Variants in PCDHA3 observed in about 807,000 individuals in gnomAD.
PCDHA3 encodes the protein protocadherin alpha-3.
Under a neutral mutation model 62.2 loss-of-function variants are expected in PCDHA3, and 41 were observed. The observed-to-expected ratio is 0.66, with a 90% confidence interval of 0.51 to 0.86. PCDHA3 has a LOEUF of 0.86. PCDHA3 is among the 40% of genes least tolerant of loss of function. The probability of loss-of-function intolerance (pLI) is 0.00; values close to 1 mark genes in which losing one functional copy is unlikely to be tolerated. For synonymous variants in PCDHA3, 640 were observed against 555.4 expected, an observed-to-expected ratio of 1.15 and a Z score of -2.14; for missense variants, 1,304 against 1,241.2, an observed-to-expected ratio of 1.05 and a Z score of -0.76.
At chr5:140,841,353 C>A (rs1777171223) in intron 1 of PCDHA3, 2 of 1,612,606 alleles carry the variant, frequency 1.2e-6, no homozygotes, top group African/African-American at 2.7e-5. Context: ...GAGCTGGGAT[C>A]CTGGCGACTA....
At chr5:140,843,273 T>A in intron 1 of PCDHA3, 1 of 1,595,994 alleles carries the variant, frequency 6.3e-7, no homozygotes, top group Non-Finnish European at 8.6e-7. Flanking sequence ...CTGGTCCTGG[T>A]GAAGGATCAT....
chr5:140,982,765 C>T (rs1345701735), intron 3 of PCDHA3, among the ~76,000 whole-genome samples: 2 of 151,722 alleles, frequency 1.3e-5, no homozygotes, highest in African/African-American at 2.4e-5. Flanking sequence ...AAAAGGATAA[C>T]AAGGAAAGTG....
At chr5:140,830,534 A>G (rs2150187511) in intron 1 of PCDHA3, 2 of 1,251,108 alleles carry the variant, frequency 1.6e-6, no homozygotes, top group South Asian at 4.1e-5. Context: ...TAAATTTATA[A>G]TTGTTTTCCT....
intron 1 of PCDHA3, among the ~76,000 whole-genome samples, chr5:140,964,381 T>C (rs1008874330): frequency 1.3e-5 from 2 of 152,176 alleles, no homozygotes. Flanking sequence ...AGGAGAGTCC[T>C]GGTTTTTCTC....
At chr5:140,880,630 C>T (rs2058401400) in intron 1 of PCDHA3, among the ~76,000 whole-genome samples, 2 of 152,122 alleles carry the variant, frequency 1.3e-5, no homozygotes, top group Admixed American at 1.3e-4. Context: ...AGTTAATTAT[C>T]AATTCACTTG....
At chr5:140,941,241 T>TTCTTTCTTTCTTTCTTTCTTTC in intron 1 of PCDHA3, among the ~76,000 whole-genome samples, 2 of 140,458 alleles carry the variant, frequency 1.4e-5, no homozygotes, top group South Asian at 4.5e-4. Context: ...CTTTCTTTCT[T>TTCTTTCTTTCTTTCTTTCTTTC]TCTTTCTTTC....
chr5:140,870,962 C>G (rs1489353896), intron 1 of PCDHA3: 2 of 1,613,532 alleles, frequency 1.2e-6, no homozygotes, highest in African/African-American at 1.3e-5. Context: ...TCGCGCATCC[C>G]GTTCCGCGTG....
intron 1 of PCDHA3, chr5:140,850,460 G>A (rs2150485288): frequency 1.3e-6 from 2 of 1,597,976 alleles, no homozygotes; most frequent in Non-Finnish European, 1.7e-6. Flanking sequence ...AAGACCACGG[G>A]GAGCCAGCGC....
intron 1 of PCDHA3, among the ~76,000 whole-genome samples, chr5:140,826,108 A>G (rs1252391414): frequency 6.6e-6 from 1 of 152,218 alleles, no homozygotes; most frequent in Non-Finnish European, 1.5e-5. Context: ...CATGCTATTT[A>G]TATATTCCTA....
chr5:140,944,664 T>A (rs2093679523), intron 1 of PCDHA3, among the ~76,000 whole-genome samples: 1 of 152,202 alleles, frequency 6.6e-6, no homozygotes, highest in South Asian at 2.1e-4. Context: ...ACCCCTTATT[T>A]ATCTATTCTG....
At chr5:140,965,400 G>A (rs782574003) in intron 1 of PCDHA3, among the ~76,000 whole-genome samples, 1 of 152,154 alleles carries the variant, frequency 6.6e-6, no homozygotes, top group Non-Finnish European at 1.5e-5. Context: ...GAAGTCTAAG[G>A]AGTCTTATAT....
chr5:141,005,666 C>T (rs1304126376), intron 3 of PCDHA3, among the ~76,000 whole-genome samples: 2 of 130,134 alleles, frequency 1.5e-5, no homozygotes, highest in Non-Finnish European at 3.1e-5. Context: ...CGCGCCACTG[C>T]ACTCCAGCCT....
chr5:140,993,786 C>G (rs2097581960), intron 3 of PCDHA3, among the ~76,000 whole-genome samples: 1 of 152,162 alleles, frequency 6.6e-6, no homozygotes, highest in Admixed American at 6.5e-5. Flanking sequence ...TGTACAGTAA[C>G]ATGCTGTGCA....
intron 1 of PCDHA3, chr5:140,860,854 C>A (rs1554153872): frequency 1.3e-5 from 2 of 152,236 alleles, no homozygotes; most frequent in African/African-American, 4.8e-5. Flanking sequence ...TCTCCTGCCT[C>A]AGCCTCCGGA....
chr5:140,997,123 A>T (rs1409528818), intron 3 of PCDHA3, among the ~76,000 whole-genome samples: 1 of 152,070 alleles, frequency 6.6e-6, no homozygotes, highest in African/African-American at 2.4e-5. Flanking sequence ...TCCCACATAC[A>T]CAATGCCCCC....
chr5:140,970,651 T>C (rs1191146950), intron 1 of PCDHA3, among the ~76,000 whole-genome samples: 4 of 152,226 alleles, frequency 2.6e-5, no homozygotes, highest in Non-Finnish European at 5.9e-5. Flanking sequence ...TAGTGATGAA[T>C]TGTTATCTTT....
chr5:140,855,736 A>T (rs1422055740), intron 1 of PCDHA3: 3 of 305,736 alleles, frequency 9.8e-6, no homozygotes, highest in African/African-American at 6.5e-5. Context: ...CTATAAAGAG[A>T]CGTAATGTGA....
chr5:140,862,612 A>G, intron 1 of PCDHA3: 1 of 522,286 alleles, frequency 1.9e-6, no homozygotes, highest in Admixed American at 2.0e-5. Context: ...CGTGAAAGGT[A>G]ACAACCCGCG....
intron 1 of PCDHA3, among the ~76,000 whole-genome samples, chr5:140,893,391 G>A (rs1481818388): frequency 6.6e-6 from 1 of 152,158 alleles, no homozygotes; most frequent in Non-Finnish European, 1.5e-5. Context: ...AGTGGCTCAT[G>A]CCTGTAATCC....
Sources: gnomAD v4.1 joint callset for allele counts (sites outside exome capture counted in the v4.1 genomes callset) on GRCh38, gnomAD v4.1.1 for gene constraint, MANE v1.5 for transcripts, NCBI Gene and HGNC (gene_info 2026-07-23, HGNC 2026-07-21) for gene names.